LMNB2: variants seen among roughly 807,000 people sequenced by gnomAD.
LMNB2 encodes lamin B2, also known as lamin-B2.
In LMNB2, 17 loss-of-function variants were observed where a neutral mutation model predicts 69.3. The observed-to-expected ratio is 0.25, with a 90% confidence interval of 0.17 to 0.37. LMNB2 has a LOEUF of 0.37. LMNB2 is among the 10% of genes least tolerant of loss of function. The pLI is 1.00. For missense variants in LMNB2, 789 were observed against 883.6 expected, an observed-to-expected ratio of 0.89 and a Z score of 1.36; for synonymous variants, 397 against 389.3, an observed-to-expected ratio of 1.02 and a Z score of -0.23.
intron 2 of LMNB2, among the ~76,000 whole-genome samples, chr19:2,442,589 TA>T (rs1039856780): frequency 6.6e-6 from 1 of 151,862 alleles, no homozygotes; most frequent in East Asian, 1.9e-4. Context: ...AAATAAAAAA[TA>T]AAAAAAATTA....
In LMNB2 at chr19:2,430,790, GT is replaced by G; in HGVS notation, c.*120del. 4 of 802,576 alleles carry G rather than the reference GT, an allele frequency of 5.0e-6. No homozygotes were observed. The highest frequency in any genetic ancestry group is 6.7e-6 in the Non-Finnish European group (3 of 451,116). The allele number at this position is 802,576 out of a possible 1,614,324, so 49.7% of individuals were successfully genotyped here. The stretch of plus-strand genomic sequence containing the variant: ...AGGGCTGGGGGAGACCCACCCACAC[GT>G]TCTGGCAGTTCGCTTAGAAATTCTC... On this transcript the variant is annotated 3_prime_UTR_variant, in exon 12 of 12. Coordinates refer to ENST00000325327, the MANE Select transcript of LMNB2 (RefSeq NM_032737.4).
intron 9 of LMNB2, 39 bp downstream of exon 9, chr19:2,432,377 C>T: frequency 6.6e-7 from 1 of 1,515,452 alleles, no homozygotes; most frequent in Non-Finnish European, 9.1e-7. Context: ...CCTCACACCC[C>T]ATCCGTGGCC....
chr19:2,431,161 T>G (rs1437700366), intron 11 of LMNB2, among the ~76,000 whole-genome samples: 2 of 152,252 alleles, frequency 1.3e-5, no homozygotes, highest in Non-Finnish European at 2.9e-5. Flanking sequence ...TCACAGGAAC[T>G]TGCGACGCAC....
chr19:2,447,291 G>A lies in LMNB2; in HGVS notation c.265-2751C>T, dbSNP rs947678292. Among the ~76,000 whole-genome samples the A allele has an allele frequency of 2.6e-5, 4 of 152,210 alleles. No homozygotes were observed. Among genetic ancestry groups the A allele is most frequent in the African/African-American group, 9.7e-5 (4 of 41,446 alleles). On this transcript the variant is annotated intron_variant, in intron 1 of 11. Coordinates refer to ENST00000325327, the MANE Select transcript of LMNB2 (RefSeq NM_032737.4). This position sits in a 1 kb window ranked among gnomAD's most constrained non-coding sequence, Gnocchi z 4.4. ...ACACCACAGTGTGGATGCCCCTTGAGGATGTCACACTCATGAGACGCCAGA... is the reference window on the plus strand; with the variant it reads ...ACACCACAGTGTGGATGCCCCTTGAAGATGTCACACTCATGAGACGCCAGA...
chr19:2,445,308 G>T (rs1047253964), intron 1 of LMNB2, among the ~76,000 whole-genome samples: 4 of 151,916 alleles, frequency 2.6e-5, no homozygotes, highest in Non-Finnish European at 5.9e-5. Flanking sequence ...GCCAACCGGG[G>T]GCCAGCCCGT....
At chr19:2,435,503 GC>G (rs1405630142) in intron 4 of LMNB2, among the ~76,000 whole-genome samples, 2 of 152,186 alleles carry the variant, frequency 1.3e-5, no homozygotes, top group Non-Finnish European at 2.9e-5. Flanking sequence ...TCCAGGACAG[GC>G]CCATCCACAG....
chr19:2,434,082 G>A lies in LMNB2; in HGVS notation c.1226C>T (p.Ser409Phe). 6.3e-7 allele frequency: 1 copy of A among 1,592,642 alleles called. No individual in the cohort carries two copies. The highest frequency in any genetic ancestry group is 2.3e-5 in the East Asian group (1 of 44,006). The change falls in exon 8 of 12, where the codon TCC (serine) becomes TTC (phenylalanine). Residue 409 changes from serine to phenylalanine, a missense_variant. By Grantham distance (155) the Ser-to-Phe change is radical. This residue lies in a region of LMNB2 where 609 missense variants were observed against 630.9 expected (regional missense o/e 0.97). Coordinates refer to ENST00000325327, the MANE Select transcript of LMNB2 (RefSeq NM_032737.4). ...GGCTCGTGAGACGGTGACGCGCGAG[G>A]ATGGGCTGGGGGACAGCTTCAGCCT... is the stretch of plus-strand genomic sequence containing the variant. ...EERLKLSPSPSSRVTVSRATS... is the reference protein window; with the variant it reads ...EERLKLSPSPFSRVTVSRATS...
rs1171911519 is a variant in LMNB2, at chr19:2,453,155, C to T, written c.264+3515G>A. On this transcript the variant is annotated intron_variant, in intron 1 of 11. Transcript: ENST00000325327. The surrounding 1 kb of genome is among the most constrained non-coding windows in gnomAD (Gnocchi z 4.4). ...GGGGCGCTGAGCAGTACCCAGCCTCCACCCACGCTGTGCCGATGCCGTCTC... is the reference window on the plus strand; with the variant it reads ...GGGGCGCTGAGCAGTACCCAGCCTCTACCCACGCTGTGCCGATGCCGTCTC... Among the ~76,000 whole-genome samples, 1 of 152,104 alleles carries T rather than the reference C, an allele frequency of 6.6e-6. No individual in the cohort carries two copies. The highest frequency in any genetic ancestry group is 1.5e-5 in the Non-Finnish European group (1 of 67,990).
chr19:2,447,530 C>T lies in LMNB2; in HGVS notation c.265-2990G>A, dbSNP rs939878742. Among the ~76,000 whole-genome samples, 1 of 152,172 alleles carries T rather than the reference C, an allele frequency of 6.6e-6. No individual in the cohort carries two copies. Among genetic ancestry groups the T allele is most frequent in the Non-Finnish European group, 1.5e-5 (1 of 68,032 alleles). ...CTGTGGAGATATGAAAACGCGAAAC[C>T]TACGGGTGAGCTGGGTGAACCTTAT... On this transcript the variant is annotated intron_variant, in intron 1 of 11. Transcript: ENST00000325327. This position sits in a 1 kb window ranked among gnomAD's most constrained non-coding sequence, Gnocchi z 4.4.
rs1382402903 is a variant in LMNB2 at position 2,447,407 on chromosome 19, G to A, written c.265-2867C>T. 2.0e-5 allele frequency among the ~76,000 whole-genome samples: 3 copies of A among 152,152 alleles called. No individual in the cohort carries two copies. The highest frequency in any genetic ancestry group is 6.6e-5 in the Admixed American group (1 of 15,260). On this transcript the variant is annotated intron_variant, in intron 1 of 11. Transcript: ENST00000325327. This position sits in a 1 kb window ranked among gnomAD's most constrained non-coding sequence, Gnocchi z 4.4. ...CACAGGCAGCGGGTGTGTGGGCAGCGGGGCTGGAGAAGGGGACGGGGAGTG... is the reference window on the plus strand; with the variant it reads ...CACAGGCAGCGGGTGTGTGGGCAGCAGGGCTGGAGAAGGGGACGGGGAGTG...
chr19:2,436,547 G>GGCCGCTCACCCA (rs1971824470), intron 4 of LMNB2, among the ~76,000 whole-genome samples: 1 of 106,318 alleles, frequency 9.4e-6, no homozygotes, highest in East Asian at 2.9e-4. Flanking sequence ...CCGCGCACCC[G>GGCCGCTCACCCA]CCTGCACAGC....
At chr19:2,435,603 AGGT>A (rs562731855) in intron 4 of LMNB2, among the ~76,000 whole-genome samples, 9 of 152,146 alleles carry the variant, frequency 5.9e-5, no homozygotes, top group Non-Finnish European at 8.8e-5. Context: ...CTAGAATTAG[AGGT>A]GGTGGTTGCA....
rs1001078928 is a variant in LMNB2, at chr19:2,447,652, G to A, written c.265-3112C>T. Reference sequence around the variant, plus strand: ...GCCCAGCACCACCCGCTAGAACGCCGTGATGTTCCCACAGCCCTACAGGGC... The same window carrying A: ...GCCCAGCACCACCCGCTAGAACGCCATGATGTTCCCACAGCCCTACAGGGC... On this transcript the variant is annotated intron_variant, in intron 1 of 11. Coordinates refer to ENST00000325327, the MANE Select transcript of LMNB2 (RefSeq NM_032737.4). The surrounding 1 kb of genome is among the most constrained non-coding windows in gnomAD (Gnocchi z 4.4). 2.0e-5 allele frequency among the ~76,000 whole-genome samples: 3 copies of A among 152,196 alleles called. No homozygotes were observed. The highest frequency in any genetic ancestry group is 7.2e-5 in the African/African-American group (3 of 41,442).
chr19:2,431,498 C>T (rs1185597774), intron 11 of LMNB2, 50 bp downstream of exon 11: 1 of 1,612,812 alleles, frequency 6.2e-7, no homozygotes, highest in Admixed American at 1.7e-5. Flanking sequence ...CACGAGCTCA[C>T]TCTGCCCCAG....
Position 2,428,421 on chromosome 19 carries a change from T to A in LMNB2, c.*2490A>T, listed in dbSNP as rs986004979. The A allele has an allele frequency of 1.3e-5, 2 of 152,188 alleles. No homozygotes were observed. The highest frequency in any genetic ancestry group is 4.8e-5 in the African/African-American group (2 of 41,456). The allele number at this position is 152,188 out of a possible 1,614,324, so 9.4% of individuals were successfully genotyped here. Reference sequence around the variant, plus strand: ...CCCCAGGACTGAGGAGTCCCTCAGATCTTTAACAAAGAACTGCCGCGTGCA... The same window carrying A: ...CCCCAGGACTGAGGAGTCCCTCAGAACTTTAACAAAGAACTGCCGCGTGCA... On this transcript the variant is annotated 3_prime_UTR_variant, in exon 12 of 12. Transcript: ENST00000325327.
At chr19:2,444,850 A>G (rs1036264096) in intron 1 of LMNB2, among the ~76,000 whole-genome samples, 1 of 152,178 alleles carries the variant, frequency 6.6e-6, no homozygotes, top group Non-Finnish European at 1.5e-5. Flanking sequence ...TCCAGCTCCC[A>G]GAACAGCGGC....
chr19:2,448,872 A>G (rs1250207474), intron 1 of LMNB2, among the ~76,000 whole-genome samples: 1 of 151,966 alleles, frequency 6.6e-6, no homozygotes, highest in Non-Finnish European at 1.5e-5. Flanking sequence ...AGAATCTAAT[A>G]CCATATTCTT....
rs182424653 is a variant in LMNB2, at chr19:2,448,438, C to T, written c.265-3898G>A. Among the ~76,000 whole-genome samples, 219 of 152,280 alleles carry T rather than the reference C, an allele frequency of 1.4e-3. 1 individual carries two copies. The highest frequency in any genetic ancestry group is 5.2e-3 in the African/African-American group (215 of 41,556). On this transcript the variant is annotated intron_variant, in intron 1 of 11. Transcript: ENST00000325327. ...GAGTTTCCAACAAAGACAAGATCAG[C>T]GCCGGGACACACAGGAGCCCGTTCA...
intron 1 of LMNB2, among the ~76,000 whole-genome samples, chr19:2,452,874 C>T (rs938372683): frequency 2.6e-5 from 4 of 151,724 alleles, no homozygotes; most frequent in African/African-American, 4.9e-5. Flanking sequence ...TCATGGGGGC[C>T]GTGTTACCCT....
Sources: allele counts gnomAD v4.1 joint callset (sites outside exome capture counted in the v4.1 genomes callset), GRCh38; gene constraint gnomAD v4.1.1; regional missense constraint gnomAD v4.1.1; non-coding constraint Gnocchi (gnomAD v3.1); transcripts MANE v1.5; gene names NCBI Gene and HGNC (gene_info 2026-07-23, HGNC 2026-07-21).